Variants in EPS8L3 observed in about 807,000 individuals in gnomAD.
EPS8L3 encodes EPS8 signaling adaptor L3, also known as epidermal growth factor receptor kinase substrate 8-like protein 3.
In EPS8L3, 80 loss-of-function variants were observed where a neutral mutation model predicts 88.5. The ratio of observed to expected loss-of-function variants is 0.90; its 90% CI spans 0.75 to 1.09. The LOEUF (loss-of-function observed/expected upper bound fraction) is 1.09, where lower values mean the gene tolerates loss of function less well. Among genes scored for constraint, EPS8L3 ranks in the 50% least tolerant of loss-of-function variants. EPS8L3 has a pLI of 0.00. For synonymous variants in EPS8L3, 286 were observed against 291.0 expected (o/e 0.98, Z 0.18); for missense variants, 721 against 735.2 (o/e 0.98, Z 0.22).
Position 109,757,553 on chromosome 1 carries a change from T to A in EPS8L3, c.897A>T (p.Gly299=). 6.2e-7 allele frequency: 1 copy of A among 1,613,722 alleles called. No individual in the cohort carries two copies. The highest frequency in any genetic ancestry group is 8.5e-7 in the Non-Finnish European group (1 of 1,179,766). Residue 299 remains glycine, a splice_region_variant and synonymous_variant, in exon 11 of 19, where the codon GGA becomes GGT. Transcript: ENST00000361965. ...QKIKHSFNLL[G]RLATWLKETS... ...TCTCCTTCAGCCAGGTGGCCAGCCT[T>A]CCCTGGGGACACAGAGCAATGCCTG...
At chr1:109,760,129 G>A (rs1419695950) in intron 3 of EPS8L3, among the ~76,000 whole-genome samples, 1 of 152,154 alleles carries the variant, frequency 6.6e-6, no homozygotes, top group Non-Finnish European at 1.5e-5. Context: ...AGGTGAGGCA[G>A]CTGGGTGGTG....
Position 109,750,199 on chromosome 1 carries a change from C to A in EPS8L3, c.*192G>T, listed in dbSNP as rs1649652815. 2 of 655,252 alleles carry A rather than the reference C, an allele frequency of 3.1e-6. No homozygotes were observed. The highest frequency in any genetic ancestry group is 5.3e-6 in the Non-Finnish European group (2 of 376,112). The allele number at this position is 655,252 out of a possible 1,614,324, so 40.6% of individuals were successfully genotyped here. ...AATAAATAGGTGGTTACTGGGGAGGCTCCAACACAGCCAGAAGGGACACTG... is the reference window on the plus strand; with the variant it reads ...AATAAATAGGTGGTTACTGGGGAGGATCCAACACAGCCAGAAGGGACACTG... On this transcript the variant is annotated 3_prime_UTR_variant, in exon 19 of 19. Coordinates refer to ENST00000361965, the MANE Select transcript of EPS8L3 (RefSeq NM_133181.4).
chr1:109,763,626 G>T (rs769675436), intron 1 of EPS8L3, among the ~76,000 whole-genome samples, 196 bp downstream of exon 1: 16 of 152,290 alleles, frequency 1.1e-4, no homozygotes, highest in Middle Eastern at 3.4e-3. Context: ...CCCTTCCGGA[G>T]CCTGGACCTC....
At position 109,763,708 on chromosome 1, in the gene EPS8L3, A is replaced by T. The variant is rs1425264062; in HGVS notation, c.-25+114T>A. The stretch of plus-strand genomic sequence containing the variant: ...CCTTGGGCTTGATCCCCTGGGCTGC[A>T]GCTGGGAACAGGCTGGAGACCTGGC... On this transcript the variant is annotated intron_variant, in intron 1 of 18. Transcript: ENST00000361965. 3.3e-5 allele frequency: 5 copies of T among 152,758 alleles called. No individual in the cohort carries two copies. In the East Asian group the frequency reaches 9.6e-4, roughly 29 times the overall value. 9.5% of individuals were successfully genotyped at this position (152,758 alleles called of 1,614,324 possible).
At chr1:109,761,301 C>T in intron 3 of EPS8L3, 194 bp downstream of exon 3, 5 of 591,710 alleles carry the variant, frequency 8.5e-6, no homozygotes, top group South Asian at 2.0e-5. Context: ...ATCTGACCAC[C>T]CCTCCCCGTC....
At chr1:109,756,661 C>T (rs897657275) in intron 12 of EPS8L3, among the ~76,000 whole-genome samples, 22 of 152,208 alleles carry the variant, frequency 1.4e-4, no homozygotes, top group African/African-American at 5.1e-4. Flanking sequence ...GCATCTCTTA[C>T]GTCAGTAATT....
At chr1:109,753,254 C>T (rs887040000) in intron 12 of EPS8L3, 56 bp from the exon 13 acceptor site, 2 of 1,444,988 alleles carry the variant, frequency 1.4e-6, no homozygotes, top group South Asian at 1.3e-5. Context: ...TGATGCCAGG[C>T]TGTGGGACGC....
At chr1:109,760,587 C>G (rs2101523531) in intron 3 of EPS8L3, among the ~76,000 whole-genome samples, 1 of 152,160 alleles carries the variant, frequency 6.6e-6, no homozygotes, top group East Asian at 1.9e-4. Flanking sequence ...GAGCAAACTC[C>G]ATCCTCCTCT....
At chr1:109,752,817 C>A in intron 13 of EPS8L3, 97 bp from the exon 14 acceptor site, 2 of 1,099,732 alleles carry the variant, frequency 1.8e-6, no homozygotes, top group Non-Finnish European at 1.4e-6. Flanking sequence ...GCAGCTCACA[C>A]ACAGCTGCCT....
intron 18 of EPS8L3, 80 bp from the exon 19 acceptor site, chr1:109,750,482 C>T (rs1649676628): frequency 1.3e-6 from 2 of 1,597,294 alleles, no homozygotes; most frequent in Admixed American, 3.4e-5. Context: ...AAGCTTGGAG[C>T]CTCAAGGTAA....
chr1:109,756,543 G>GT (rs35362437), intron 12 of EPS8L3, among the ~76,000 whole-genome samples: 47,915 of 152,084 alleles, frequency 0.32, 9,160 homozygotes, highest in East Asian at 0.78. Context: ...GCCCTGTTAG[G>GT]TTTTTTTGTC....
Position 109,758,001 on chromosome 1 carries a change from C to T in EPS8L3, c.775G>A (p.Ala259Thr). ...TTCTTCCTGCTGGTCTTTGCCTGGGCCTTCTCCAGCTTTCCCATGAACAGC... is the reference window on the plus strand; with the variant it reads ...TTCTTCCTGCTGGTCTTTGCCTGGGTCTTCTCCAGCTTTCCCATGAACAGC... ...IELFMGKLEK[A>T]QAKTSRKKKF... The change falls in exon 9 of 19, where the codon GCC (alanine) becomes ACC (threonine). Residue 259 changes from alanine (A) to threonine (T), a missense_variant. By Grantham distance (58) the Ala-to-Thr change is moderately conservative. Transcript: ENST00000361965. The T allele has an allele frequency of 6.2e-7, 1 of 1,614,172 alleles. No individual in the cohort carries two copies. The highest frequency in any genetic ancestry group is 8.5e-7 in the Non-Finnish European group (1 of 1,180,024).
chr1:109,757,392 C>A (rs1650389362), intron 11 of EPS8L3, 89 bp downstream of exon 11: 4 of 1,342,250 alleles, frequency 3.0e-6, no homozygotes, highest in African/African-American at 2.9e-5. Flanking sequence ...CCCTGCTCCC[C>A]CATCCCCCTC....
chr1:109,762,852 T>C (rs992639165), intron 1 of EPS8L3, among the ~76,000 whole-genome samples: 5 of 152,224 alleles, frequency 3.3e-5, no homozygotes, highest in Admixed American at 2.0e-4. Context: ...TTTATAAACA[T>C]GCCTCTGCCG....
intron 12 of EPS8L3, 50 bp from the exon 13 acceptor site, chr1:109,753,248 G>A: frequency 6.8e-7 from 1 of 1,477,444 alleles, no homozygotes; most frequent in Non-Finnish European, 9.3e-7. Context: ...GAACTCTGAT[G>A]CCAGGCTGTG....
chr1:109,751,480 C>G (rs1649787328), intron 16 of EPS8L3, 129 bp from the exon 17 acceptor site: 7 of 1,356,606 alleles, frequency 5.2e-6, no homozygotes, highest in Non-Finnish European at 6.2e-6. Flanking sequence ...TCTGGTCTGG[C>G]AGGGAGCTGG....
At position 109,751,979 on chromosome 1, in the gene EPS8L3, A is replaced by G. The variant is rs1168263505; in HGVS notation, c.1434+16T>C. ...CAACCACCACCTCCTTTTCTAGCCT[A>G]TGGCCCAAGCCTCACCTCCAGCTTC... On this transcript the variant is annotated intron_variant, in intron 15 of 18. Coordinates refer to ENST00000361965, the MANE Select transcript of EPS8L3 (RefSeq NM_133181.4). 2.5e-6 allele frequency: 4 copies of G among 1,587,048 alleles called. No homozygotes were observed. The highest frequency in any genetic ancestry group is 2.3e-5 in the South Asian group (2 of 86,710).
chr1:109,753,643 A>C (rs1650017693), intron 12 of EPS8L3, among the ~76,000 whole-genome samples: 1 of 152,170 alleles, frequency 6.6e-6, no homozygotes, highest in Non-Finnish European at 1.5e-5. Flanking sequence ...CACCCAGTGA[A>C]GTAGACAGCA....
Position 109,752,206 on chromosome 1 carries a change from GT to G in EPS8L3, c.1236-14del. ...ATGACTTCCCCGCCTAAGAAACAGA[GT>G]CAGGATGGCTGGAGAATGGGGCCTC... is the stretch of plus-strand genomic sequence containing the variant. On this transcript the variant is annotated splice_polypyrimidine_tract_variant and intron_variant, in intron 14 of 18. Coordinates refer to ENST00000361965, the MANE Select transcript of EPS8L3 (RefSeq NM_133181.4). 1 of 1,605,262 alleles carries G rather than the reference GT, an allele frequency of 6.2e-7. No homozygotes were observed. The highest frequency in any genetic ancestry group is 8.5e-7 in the Non-Finnish European group (1 of 1,174,280).
Sources: gnomAD v4.1 joint callset for allele counts (sites outside exome capture counted in the v4.1 genomes callset) on GRCh38, gnomAD v4.1.1 for gene constraint, MANE v1.5 for transcripts, NCBI Gene and HGNC (gene_info 2026-07-23, HGNC 2026-07-21) for gene names.